DLGAP2: variants seen among roughly 807,000 people sequenced by gnomAD.
DLGAP2 encodes the protein disks large-associated protein 2.
Under a neutral mutation model 100.3 loss-of-function variants are expected in DLGAP2, and 26 were observed. That is an observed-to-expected ratio of 0.26 (90% CI 0.19 to 0.36). DLGAP2 has a LOEUF of 0.36. Ranked by LOEUF, DLGAP2 falls within the 10% of genes least tolerant of loss-of-function variation. DLGAP2 has a pLI of 1.00. For missense variants in DLGAP2, 1,858 were observed against 1,453.2 expected, an observed-to-expected ratio of 1.28 and a Z score of -4.53; for synonymous variants, 886 against 630.1, an observed-to-expected ratio of 1.41 and a Z score of -6.08.
chr8:1,210,796 C>T (rs1054385473), intron 2 of DLGAP2, among the ~76,000 whole-genome samples: 4 of 152,000 alleles, frequency 2.6e-5, no homozygotes, highest in Admixed American at 1.3e-4. Context: ...CACAGCTCCC[C>T]TGGGCCCCAT....
At chr8:1,422,541 GA>G (rs1225412318) in intron 3 of DLGAP2, among the ~76,000 whole-genome samples, 1 of 148,058 alleles carries the variant, frequency 6.8e-6, no homozygotes, top group African/African-American at 2.5e-5. Context: ...AGAGTGTTTG[GA>G]AAAGGCTTTC....
At chr8:1,622,409 G>C (rs1448262907) in intron 6 of DLGAP2, 2 of 152,218 alleles carry the variant, frequency 1.3e-5, no homozygotes, top group Non-Finnish European at 2.9e-5. Context: ...AGCATGTTTA[G>C]ATGGATCTAA....
At chr8:1,212,547 C>T (rs959059274) in intron 2 of DLGAP2, among the ~76,000 whole-genome samples, 3 of 152,050 alleles carry the variant, frequency 2.0e-5, no homozygotes, top group African/African-American at 7.2e-5. Context: ...ACACACTTGG[C>T]AGTGTAGTGG....
intron 12 of DLGAP2, among the ~76,000 whole-genome samples, chr8:1,679,595 G>T (rs190467143): frequency 6.6e-6 from 1 of 152,214 alleles, no homozygotes; most frequent in African/African-American, 2.4e-5. Context: ...TCCCAGTCCC[G>T]TTGGTACTCA....
At chr8:1,160,502 A>G (rs1796869218) in intron 2 of DLGAP2, among the ~76,000 whole-genome samples, 1 of 152,060 alleles carries the variant, frequency 6.6e-6, no homozygotes, top group Non-Finnish European at 1.5e-5. Context: ...CATTTTTTCG[A>G]CTGCAGACTG....
intron 4 of DLGAP2, among the ~76,000 whole-genome samples, chr8:1,523,444 G>T (rs55670698): frequency 0.47 from 71,154 of 151,804 alleles, 17,206 homozygotes; most frequent in South Asian, 0.7. Flanking sequence ...ATGCCCCCAC[G>T]CAGACACACG....
chr8:1,492,838 G>T (rs974396394), intron 3 of DLGAP2, among the ~76,000 whole-genome samples: 67 of 152,120 alleles, frequency 4.4e-4, no homozygotes, highest in African/African-American at 1.4e-3. Context: ...GGAGAGCTGC[G>T]GGACAGTAGG....
intron 3 of DLGAP2, among the ~76,000 whole-genome samples, chr8:1,384,388 C>T (rs1796168081): frequency 7.9e-6 from 1 of 126,972 alleles, no homozygotes; most frequent in African/African-American, 2.9e-5. Context: ...CTGTGCCCGG[C>T]CCCTGAGAAC....
At chr8:984,140 AT>A (rs1405898650) in intron 2 of DLGAP2, among the ~76,000 whole-genome samples, 1 of 152,134 alleles carries the variant, frequency 6.6e-6, no homozygotes, top group African/African-American at 2.4e-5. Flanking sequence ...AAAAGTAAGT[AT>A]TTTAAAAATC....
intron 3 of DLGAP2, among the ~76,000 whole-genome samples, chr8:1,343,526 C>A (rs10095583): frequency 6.6e-6 from 1 of 152,216 alleles, no homozygotes; most frequent in African/African-American, 2.4e-5. Context: ...AGCAAAGACT[C>A]TCTCAGGCTG....
At chr8:1,027,639 C>T in intron 2 of DLGAP2, among the ~76,000 whole-genome samples, 1 of 145,104 alleles carries the variant, frequency 6.9e-6, no homozygotes, top group African/African-American at 2.6e-5. Flanking sequence ...CCGTTATTCT[C>T]CAGGTGGGGT....
intron 2 of DLGAP2, among the ~76,000 whole-genome samples, chr8:1,258,099 C>G (rs1799267298): frequency 6.6e-6 from 1 of 152,194 alleles, no homozygotes; most frequent in Non-Finnish European, 1.5e-5. Context: ...TTCATAGTCA[C>G]TCAGGGACCT....
chr8:765,807 G>A (rs986435453), intron 1 of DLGAP2, among the ~76,000 whole-genome samples: 1 of 151,916 alleles, frequency 6.6e-6, no homozygotes, highest in Non-Finnish European at 1.5e-5. Flanking sequence ...ACACACACGC[G>A]ATGATGCACA....
chr8:1,223,127 T>C (rs1333125591), intron 2 of DLGAP2, among the ~76,000 whole-genome samples: 1 of 152,002 alleles, frequency 6.6e-6, no homozygotes, highest in Non-Finnish European at 1.5e-5. Context: ...ATGTGAAGAG[T>C]GGGCCACTCC....
intron 6 of DLGAP2, among the ~76,000 whole-genome samples, chr8:1,584,247 C>A (rs989967939): frequency 6.6e-6 from 1 of 152,036 alleles, no homozygotes; most frequent in African/African-American, 2.4e-5. Context: ...TTAGCGACGC[C>A]GATAAAGTAA....
chr8:1,591,881 C>G (rs1042874043), intron 6 of DLGAP2, among the ~76,000 whole-genome samples: 1 of 152,320 alleles, frequency 6.6e-6, no homozygotes, highest in East Asian at 1.9e-4. Context: ...GAACTACAAA[C>G]TCCCACGGAC....
chr8:1,598,372 G>A (rs1216373525), intron 6 of DLGAP2, among the ~76,000 whole-genome samples: 1 of 152,174 alleles, frequency 6.6e-6, no homozygotes, highest in Non-Finnish European at 1.5e-5. Context: ...GATGATGCTG[G>A]CCTCATAAAA....
At chr8:883,679 C>T (rs1402850262) in intron 1 of DLGAP2, among the ~76,000 whole-genome samples, 1 of 150,804 alleles carries the variant, frequency 6.6e-6, no homozygotes, top group South Asian at 2.1e-4. Context: ...GCGTGTGCCG[C>T]GGCGGTTCGT....
chr8:1,651,100 G>A (rs183949060), intron 8 of DLGAP2, among the ~76,000 whole-genome samples: 13 of 152,122 alleles, frequency 8.5e-5, no homozygotes, highest in South Asian at 2.1e-4. Flanking sequence ...TTTCTCAAAC[G>A]TACCATCCAG....
Sources: gnomAD v4.1 joint callset for allele counts (sites outside exome capture counted in the v4.1 genomes callset) on GRCh38, gnomAD v4.1.1 for gene constraint, MANE v1.5 for transcripts, NCBI Gene and HGNC (gene_info 2026-07-23, HGNC 2026-07-21) for gene names.